The following KCNH1 variants were observed in gnomAD, a reference collection of about 807,000 sequenced individuals.
KCNH1 encodes voltage-gated delayed rectifier potassium channel KCNH1.
Under a neutral mutation model 69.2 loss-of-function variants are expected in KCNH1, and 27 were observed. The ratio of observed to expected loss-of-function variants is 0.39; its 90% CI spans 0.29 to 0.54. The LOEUF (loss-of-function observed/expected upper bound fraction) is 0.54. Among genes scored for constraint, KCNH1 ranks in the 20% least tolerant of loss-of-function variants. The probability of loss-of-function intolerance (pLI) is 0.68; values close to 1 mark genes in which losing one functional copy is unlikely to be tolerated. For missense variants in KCNH1, 798 were observed against 1,261.6 expected (o/e 0.63, Z 5.57); for synonymous variants, 456 against 487.7 (o/e 0.93, Z 0.86).
chr1:210,963,329 A>G (rs1688333528), intron 6 of KCNH1, among the ~76,000 whole-genome samples: 1 of 152,138 alleles, frequency 6.6e-6, no homozygotes, highest in South Asian at 2.1e-4. Flanking sequence ...GAAGATGGGG[A>G]GAAATCAGTG....
intron 7 of KCNH1, among the ~76,000 whole-genome samples, chr1:210,851,799 A>T (rs1468272156): frequency 6.6e-6 from 1 of 152,256 alleles, no homozygotes; most frequent in East Asian, 1.9e-4. Context: ...ATACCTAAAC[A>T]TAGAAAAGAC....
chr1:210,749,995 C>T (rs772537662), intron 10 of KCNH1, among the ~76,000 whole-genome samples: 2 of 152,222 alleles, frequency 1.3e-5, no homozygotes, highest in East Asian at 1.9e-4. Context: ...TGCCCACCTC[C>T]GTCTCCCAAA....
At chr1:210,770,840 A>G (rs908953179) in intron 10 of KCNH1, among the ~76,000 whole-genome samples, 2 of 152,238 alleles carry the variant, frequency 1.3e-5, no homozygotes, top group African/African-American at 4.8e-5. Context: ...AACAGCTGAG[A>G]GCCACACTTC....
At chr1:210,876,791 A>T (rs985321722) in intron 7 of KCNH1, among the ~76,000 whole-genome samples, 3 of 152,270 alleles carry the variant, frequency 2.0e-5, no homozygotes, top group Middle Eastern at 3.4e-3. Context: ...AGTGAAGGAC[A>T]TCTAGTTTTC....
intron 10 of KCNH1, among the ~76,000 whole-genome samples, chr1:210,746,861 T>C (rs1683173659): frequency 6.6e-6 from 1 of 152,196 alleles, no homozygotes; most frequent in African/African-American, 2.4e-5. Context: ...CAACCTTTTC[T>C]TAACTAACAG....
chr1:210,699,363 A>T (rs146482378), intron 10 of KCNH1, among the ~76,000 whole-genome samples: 3 of 152,326 alleles, frequency 2.0e-5, no homozygotes, highest in Admixed American at 6.5e-5. Context: ...TGGGCACAGC[A>T]TGGACACAGA....
At chr1:210,796,103 C>T (rs866419763) in intron 9 of KCNH1, among the ~76,000 whole-genome samples, 5 of 148,102 alleles carry the variant, frequency 3.4e-5, no homozygotes, top group African/African-American at 5.0e-5. Flanking sequence ...TGCAGTGAGC[C>T]GAGAGCATGC....
intron 7 of KCNH1, chr1:210,859,369 G>C: frequency 1.3e-6 from 2 of 1,540,334 alleles, no homozygotes; most frequent in Non-Finnish European, 1.8e-6. Context: ...ATCCCACACA[G>C]GATTATGATT....
At chr1:210,924,164 A>G (rs537786704) in intron 6 of KCNH1, among the ~76,000 whole-genome samples, 37 of 152,342 alleles carry the variant, frequency 2.4e-4, no homozygotes, top group African/African-American at 8.9e-4. Context: ...GGCCCTGCCA[A>G]CACCTTGATT....
intron 10 of KCNH1, among the ~76,000 whole-genome samples, chr1:210,700,493 G>T (rs184724510): frequency 6.6e-6 from 1 of 152,262 alleles, no homozygotes; most frequent in African/African-American, 2.4e-5. Context: ...ACCACAATCT[G>T]CTGCCTTTCT....
At chr1:210,980,582 G>T (rs1326550162) in intron 6 of KCNH1, among the ~76,000 whole-genome samples, 1 of 152,186 alleles carries the variant, frequency 6.6e-6, no homozygotes, top group East Asian at 1.9e-4. Flanking sequence ...CAAATGAACT[G>T]GTGGGTCAGC....
At chr1:211,124,572 G>A (rs1338350) in intron 1 of KCNH1, among the ~76,000 whole-genome samples, 1,832 of 152,126 alleles carry the variant, frequency 0.012, 42 homozygotes, top group African/African-American at 0.042. Context: ...AGCCGAGATC[G>A]CGCCACTGCA....
At chr1:211,064,299 G>A (rs748923044) in intron 5 of KCNH1, among the ~76,000 whole-genome samples, 7 of 152,212 alleles carry the variant, frequency 4.6e-5, no homozygotes, top group Non-Finnish European at 1.0e-4. Context: ...GGTGGCTCAC[G>A]CCTGCAATCC....
At chr1:210,769,227 T>C (rs985516883) in intron 10 of KCNH1, among the ~76,000 whole-genome samples, 2 of 152,326 alleles carry the variant, frequency 1.3e-5, no homozygotes, top group Non-Finnish European at 1.5e-5. Context: ...TTATCAACCT[T>C]CCACAATAAT....
At chr1:210,965,382 T>A (rs1450388783) in intron 6 of KCNH1, among the ~76,000 whole-genome samples, 1 of 152,154 alleles carries the variant, frequency 6.6e-6, no homozygotes, top group Non-Finnish European at 1.5e-5. Context: ...CTCCTTAAGC[T>A]GATAAGCAAC....
intron 9 of KCNH1, among the ~76,000 whole-genome samples, chr1:210,779,473 A>C (rs2102376982): frequency 6.6e-6 from 1 of 152,316 alleles, no homozygotes; most frequent in East Asian, 1.9e-4. Context: ...GCTGGAAATA[A>C]TGACTTCCCA....
chr1:210,893,137 T>C (rs896254257), intron 7 of KCNH1, among the ~76,000 whole-genome samples: 3 of 152,164 alleles, frequency 2.0e-5, no homozygotes, highest in Non-Finnish European at 4.4e-5. Context: ...CATATTTTCA[T>C]TCAGTATCAT....
chr1:210,871,578 T>C (rs1054148576), intron 7 of KCNH1, among the ~76,000 whole-genome samples: 2 of 152,132 alleles, frequency 1.3e-5, no homozygotes, highest in African/African-American at 2.4e-5. Flanking sequence ...CTATAAATCA[T>C]GCTGCTATAA....
intron 6 of KCNH1, among the ~76,000 whole-genome samples, chr1:210,948,176 T>C (rs1342687594): frequency 6.7e-6 from 1 of 149,766 alleles, no homozygotes; most frequent in East Asian, 2.0e-4. Flanking sequence ...TGTGATACTC[T>C]AGCAACAGAG....
Sources: allele counts gnomAD v4.1 joint callset (sites outside exome capture counted in the v4.1 genomes callset), GRCh38; gene constraint gnomAD v4.1.1; transcripts MANE v1.5; gene names NCBI Gene and HGNC (gene_info 2026-07-23, HGNC 2026-07-21).